The following PLXDC2 variants were observed in gnomAD, a reference collection of about 807,000 sequenced individuals.
PLXDC2 encodes plexin domain-containing protein 2.
In PLXDC2, 40 loss-of-function variants were observed where a neutral mutation model predicts 68.9. The observed-to-expected ratio is 0.58, with a 90% CI of 0.45 to 0.76. The LOEUF (loss-of-function observed/expected upper bound fraction) is 0.76, where lower values mean the gene tolerates loss of function less well. Among genes scored for constraint, PLXDC2 ranks in the 30% least tolerant of loss-of-function variants. PLXDC2 has a pLI of 0.00. For missense variants in PLXDC2, 644 were observed against 661.9 expected (o/e 0.97, Z 0.30); for synonymous variants, 243 against 234.2 (o/e 1.04, Z -0.34).
At chr10:20,122,909 G>A (rs1370693589) in intron 4 of PLXDC2, among the ~76,000 whole-genome samples, 1 of 152,182 alleles carries the variant, frequency 6.6e-6, no homozygotes, top group African/African-American at 2.4e-5. Context: ...TAGGGTCTAG[G>A]GCTGTAAAGC....
rs1448078898 is a variant in PLXDC2, at chr10:20,101,670, G to A, written c.541+33431G>A. Among the ~76,000 whole-genome samples, 4 of 152,190 alleles carry A rather than the reference G, an allele frequency of 2.6e-5. No individual in the cohort carries two copies. The East Asian group carries it at 7.7e-4, about 29-fold the overall frequency. On this transcript the variant is annotated intron_variant, in intron 4 of 13. Coordinates refer to ENST00000377252, the MANE Select transcript of PLXDC2 (RefSeq NM_032812.9). Reference sequence around the variant, plus strand: ...GCGCCCACACCTTAACAAATCTTAAGGCCATTGACTGACCTGCATTCTTGA... The same window carrying A: ...GCGCCCACACCTTAACAAATCTTAAAGCCATTGACTGACCTGCATTCTTGA...
chr10:19,966,789 G>T (rs995744759), intron 1 of PLXDC2, among the ~76,000 whole-genome samples: 4 of 145,700 alleles, frequency 2.7e-5, no homozygotes, highest in East Asian at 2.1e-4. Flanking sequence ...CTCCTGGGAA[G>T]AGAACGGTTC....
chr10:20,267,596 G>A (rs1016283691), intron 13 of PLXDC2, among the ~76,000 whole-genome samples: 4 of 151,992 alleles, frequency 2.6e-5, no homozygotes, highest in Admixed American at 6.6e-5. Flanking sequence ...AACACCAGTC[G>A]GTTTCAGGCA....
chr10:20,086,482 A>G (rs1002159388), intron 4 of PLXDC2, among the ~76,000 whole-genome samples: 2 of 151,786 alleles, frequency 1.3e-5, no homozygotes, highest in Admixed American at 1.3e-4. Flanking sequence ...ATGAACCATT[A>G]TGCTCAGCCT....
At chr10:20,206,875 G>GACAC (rs138344194) in intron 9 of PLXDC2, among the ~76,000 whole-genome samples, 1 of 113,710 alleles carries the variant, frequency 8.8e-6, no homozygotes, top group Non-Finnish European at 2.1e-5. Context: ...CACACACACA[G>GACAC]ACACACACAC....
intron 2 of PLXDC2, among the ~76,000 whole-genome samples, chr10:20,017,205 G>T (rs990090794): frequency 6.6e-6 from 1 of 152,188 alleles, no homozygotes; most frequent in Admixed American, 6.5e-5. Context: ...CCCTCCCTGA[G>T]TGCTGATTGG....
At chr10:20,232,581 A>G (rs1835379444) in intron 12 of PLXDC2, among the ~76,000 whole-genome samples, 1 of 152,238 alleles carries the variant, frequency 6.6e-6, no homozygotes, top group Non-Finnish European at 1.5e-5. Context: ...GCAATAAAAC[A>G]GATGCGTCCT....
intron 12 of PLXDC2, among the ~76,000 whole-genome samples, chr10:20,224,675 A>G (rs1043062541): frequency 6.6e-6 from 1 of 152,220 alleles, no homozygotes; most frequent in Non-Finnish European, 1.5e-5. Flanking sequence ...CCACTCTGCT[A>G]CACTGCAGAT....
intron 1 of PLXDC2, among the ~76,000 whole-genome samples, chr10:19,970,726 A>G (rs1180992254): frequency 6.6e-6 from 1 of 152,170 alleles, no homozygotes; most frequent in Non-Finnish European, 1.5e-5. Flanking sequence ...TGTAGCTCCC[A>G]GGTATACTGC....
At chr10:20,157,051 C>T (rs1834226034) in intron 6 of PLXDC2, among the ~76,000 whole-genome samples, 1 of 152,156 alleles carries the variant, frequency 6.6e-6, no homozygotes, top group Non-Finnish European at 1.5e-5. Flanking sequence ...TCCAAGGTAG[C>T]TTGTGCTACA....
chr10:19,842,685 GA>G (rs1490874151), intron 1 of PLXDC2, among the ~76,000 whole-genome samples: 9 of 151,994 alleles, frequency 5.9e-5, no homozygotes, highest in Non-Finnish European at 2.9e-5. Flanking sequence ...CTTGCTCGGA[GA>G]AGGTGAATTT....
At chr10:20,221,853 T>C (rs1209157479) in intron 12 of PLXDC2, among the ~76,000 whole-genome samples, 1 of 152,242 alleles carries the variant, frequency 6.6e-6, no homozygotes, top group Non-Finnish European at 1.5e-5. Flanking sequence ...TAATACATTT[T>C]TGTAAATTTC....
Position 19,988,245 on chromosome 10 carries a change from T to A in PLXDC2, c.113-13530T>A, listed in dbSNP as rs1003392594. Among the ~76,000 whole-genome samples the A allele has an allele frequency of 2.0e-5, 3 of 152,226 alleles. No homozygotes were observed. In the East Asian group the frequency reaches 5.8e-4, roughly 29 times the overall value. The stretch of plus-strand genomic sequence containing the variant: ...ACAGAATTGGAAAATACCTGATATG[T>A]GTAGCTTCCAGGAAAGATTAAGATA... On this transcript the variant is annotated intron_variant, in intron 1 of 13. Transcript: ENST00000377252.
chr10:20,048,625 C>T (rs141791527), intron 3 of PLXDC2, among the ~76,000 whole-genome samples: 38 of 152,190 alleles, frequency 2.5e-4, no homozygotes, highest in African/African-American at 7.2e-4. Context: ...GATTCTGTGA[C>T]GTGGCCTAGT....
Position 20,287,232 on chromosome 10 carries a change from A to T in PLXDC2, c.*7413A>T, listed in dbSNP as rs1836167820. The T allele has an allele frequency of 6.6e-6, 1 of 152,194 alleles. No individual in the cohort carries two copies. The highest frequency in any genetic ancestry group is 2.1e-4 in the South Asian group (1 of 4,832). The allele number at this position is 152,194 out of a possible 1,614,324, so 9.4% of individuals were successfully genotyped here. On this transcript the variant is annotated 3_prime_UTR_variant, in exon 14 of 14. Transcript: ENST00000377252. ...CCTCTTCTATGGCATTCATCCTAAC[A>T]TCATGGAGGCCTTTGTCCTAGAGAA...
intron 1 of PLXDC2, among the ~76,000 whole-genome samples, chr10:19,925,959 A>T (rs1046400969): frequency 6.6e-6 from 1 of 152,246 alleles, no homozygotes; most frequent in African/African-American, 2.4e-5. Flanking sequence ...CGCTGGCATT[A>T]GAGAGCTCCC....
At chr10:20,088,057 T>A (rs1833224757) in intron 4 of PLXDC2, among the ~76,000 whole-genome samples, 1 of 152,168 alleles carries the variant, frequency 6.6e-6, no homozygotes, top group African/African-American at 2.4e-5. Context: ...TTATTCTTTT[T>A]TTTTCCTAAA....
At chr10:19,986,530 G>A (rs1193424105) in intron 1 of PLXDC2, among the ~76,000 whole-genome samples, 3 of 146,066 alleles carry the variant, frequency 2.1e-5, no homozygotes, top group Admixed American at 7.0e-5. Context: ...GAAAGATGTT[G>A]ATGGCTTAAA....
chr10:19,834,069 A>G (rs1277075052), intron 1 of PLXDC2, among the ~76,000 whole-genome samples: 1 of 152,090 alleles, frequency 6.6e-6, no homozygotes, highest in Non-Finnish European at 1.5e-5. Flanking sequence ...CAATGGAACC[A>G]GTCCTTGTTC....
Sources: gnomAD v4.1 joint callset for allele counts (sites outside exome capture counted in the v4.1 genomes callset) on GRCh38, gnomAD v4.1.1 for gene constraint, MANE v1.5 for transcripts, NCBI Gene and HGNC (gene_info 2026-07-23, HGNC 2026-07-21) for gene names.